Variants in BICC1 observed in about 807,000 individuals in gnomAD.
BICC1 encodes BicC family RNA binding protein 1, also known as protein bicaudal C homolog 1.
BICC1 carries 43 observed loss-of-function variants against 111.0 expected under a neutral mutation model. That is an observed-to-expected ratio of 0.39 (90% confidence interval 0.30 to 0.50). The LOEUF is 0.50. Among genes scored for constraint, BICC1 ranks in the 20% least tolerant of loss-of-function variants. The pLI is 0.88. For missense variants in BICC1, 1,091 were observed against 1,203.2 expected, an observed-to-expected ratio of 0.91 and a Z score of 1.38; for synonymous variants, 467 against 434.4, an observed-to-expected ratio of 1.07 and a Z score of -0.93.
At chr10:58,694,195 C>A (rs970005536) in intron 2 of BICC1, among the ~76,000 whole-genome samples, 1 of 152,130 alleles carries the variant, frequency 6.6e-6, no homozygotes, top group Non-Finnish European at 1.5e-5. Context: ...TGTTTCCTTG[C>A]TGCACTTTCA....
intron 1 of BICC1, among the ~76,000 whole-genome samples, chr10:58,581,724 G>A (rs145382311): frequency 9.4e-4 from 143 of 152,242 alleles, no homozygotes; most frequent in African/African-American, 3.4e-3. Context: ...TTATAAATAA[G>A]AGGGAGAAAA....
intron 1 of BICC1, among the ~76,000 whole-genome samples, chr10:58,607,874 G>A (rs1226897042): frequency 6.6e-6 from 1 of 152,122 alleles, no homozygotes; most frequent in African/African-American, 2.4e-5. Flanking sequence ...ACCTGAATTG[G>A]AATATGATGC....
rs185789226 is a variant in BICC1 at position 58,809,833 on chromosome 10, C to T, written c.2376+2675C>T. ...AAACTCCTAGTAAGGAAAGAGGGGC[C>T]CAGAATGGCTAAGTGTCTTACTCAA... On this transcript the variant is annotated intron_variant, in intron 17 of 20. Coordinates refer to ENST00000373886, the MANE Select transcript of BICC1 (RefSeq NM_001080512.3). Among the ~76,000 whole-genome samples, 173 of 152,214 alleles carry T rather than the reference C, an allele frequency of 1.1e-3. 3 individuals carry two copies. Among genetic ancestry groups the T allele is most frequent in the African/African-American group, 4.0e-3 (165 of 41,532 alleles).
chr10:58,745,602 G>GCCCCCCCCCCC (rs35346412), intron 3 of BICC1, among the ~76,000 whole-genome samples: 1 of 78,696 alleles, frequency 1.3e-5, no homozygotes, highest in Non-Finnish European at 2.3e-5. Context: ...GCCCCCCACC[G>GCCCCCCCCCCC]CCCCCCCCCC....
intron 2 of BICC1, among the ~76,000 whole-genome samples, chr10:58,671,183 T>C (rs1172809055): frequency 6.6e-6 from 1 of 152,144 alleles, no homozygotes. Context: ...TTATATTAGT[T>C]GGGATTAGAA....
intron 3 of BICC1, among the ~76,000 whole-genome samples, chr10:58,733,668 C>T (rs1368574071): frequency 6.6e-6 from 1 of 152,238 alleles, no homozygotes; most frequent in Non-Finnish European, 1.5e-5. Flanking sequence ...CACTTGCTTA[C>T]CCGGCTTCTG....
rs193298641 is a variant in BICC1, at chr10:58,754,018, A to T, written c.308-30983A>T. Among the ~76,000 whole-genome samples, 193 of 152,276 alleles carry T rather than the reference A, an allele frequency of 1.3e-3. 2 individuals are homozygous for T. The highest frequency in any genetic ancestry group is 4.2e-3 in the African/African-American group (175 of 41,534). On this transcript the variant is annotated intron_variant, in intron 3 of 20. Coordinates refer to ENST00000373886, the MANE Select transcript of BICC1 (RefSeq NM_001080512.3). ...TCATTGACCACCAACTGTAAAGCAA[A>T]TTTTGAGGTATTAGGTGTATAAAAA...
Position 58,513,240 on chromosome 10 carries a change from G to T in BICC1, c.97G>T (p.Asp33Tyr). ...CGACTCCCCAGTGCCCGGCTCCGAG[G>T]ACGACTTGGTCGCCGGGGCGACCCT... The part of the protein sequence containing the change: ...STDSPVPGSE[D>Y]DLVAGATLHS... The change falls in exon 1 of 21, where the codon GAC (aspartate) becomes TAC (tyrosine). Residue 33 changes from aspartate to tyrosine, a missense_variant. This residue lies in a region of BICC1 where 843 missense variants were observed against 900.8 expected (regional missense o/e 0.94). Transcript: ENST00000373886. 1 of 1,613,010 alleles carries T rather than the reference G, an allele frequency of 6.2e-7. No individual in the cohort carries two copies. The highest frequency in any genetic ancestry group is 1.1e-5 in the South Asian group (1 of 91,020).
At chr10:58,667,698 A>G (rs1266043907) in intron 2 of BICC1, among the ~76,000 whole-genome samples, 3 of 152,058 alleles carry the variant, frequency 2.0e-5, no homozygotes, top group Non-Finnish European at 4.4e-5. Flanking sequence ...GATCAAATTT[A>G]CCTTTTAAAG....
At chr10:58,756,626 CTTTTTTTTTT>C (rs66709538) in intron 3 of BICC1, among the ~76,000 whole-genome samples, 4 of 135,886 alleles carry the variant, frequency 2.9e-5, no homozygotes, top group Non-Finnish European at 4.7e-5. Context: ...AACTACTAGC[CTTTTTTTTTT>C]TTTTTTTTTT....
intron 20 of BICC1, among the ~76,000 whole-genome samples, chr10:58,826,638 A>G (rs1844406838): frequency 6.6e-6 from 1 of 152,258 alleles, no homozygotes; most frequent in African/African-American, 2.4e-5. Flanking sequence ...GGGCACCTGT[A>G]GTCCCAGCTA....
chr10:58,623,311 A>ATTGTGAAAT (rs1055284360), intron 2 of BICC1, among the ~76,000 whole-genome samples: 75 of 152,328 alleles, frequency 4.9e-4, no homozygotes, highest in African/African-American at 1.7e-3. Flanking sequence ...AGTTTAACAG[A>ATTGTGAAAT]TAATAAGATT....
At chr10:58,822,353 C>T (rs576643746) in intron 20 of BICC1, among the ~76,000 whole-genome samples, 1 of 152,224 alleles carries the variant, frequency 6.6e-6, no homozygotes, top group South Asian at 2.1e-4. Flanking sequence ...GCTGTAAATA[C>T]ATTCACAGGT....
At chr10:58,644,679 C>A (rs2132226333) in intron 2 of BICC1, among the ~76,000 whole-genome samples, 2 of 152,136 alleles carry the variant, frequency 1.3e-5, no homozygotes, top group Non-Finnish European at 2.9e-5. Context: ...TGTTCTTAAG[C>A]TTCGAAAATT....
intron 3 of BICC1, among the ~76,000 whole-genome samples, chr10:58,749,088 T>G (rs1841916189): frequency 6.6e-6 from 1 of 152,146 alleles, no homozygotes; most frequent in African/African-American, 2.4e-5. Context: ...TCACATGGAT[T>G]GATATTCATT....
At chr10:58,601,173 T>TATATAA (rs752405472) in intron 1 of BICC1, among the ~76,000 whole-genome samples, 2,175 of 131,008 alleles carry the variant, frequency 0.017, 57 homozygotes, top group African/African-American at 0.03. Context: ...TATATATATC[T>TATATAA]CCCAATAAAA....
chr10:58,519,037 C>T (rs1047555514), intron 1 of BICC1, among the ~76,000 whole-genome samples: 2 of 152,172 alleles, frequency 1.3e-5, no homozygotes, highest in African/African-American at 4.8e-5. Context: ...GTGGCTTAAA[C>T]AAGCCAGGGG....
intron 1 of BICC1, among the ~76,000 whole-genome samples, chr10:58,530,778 T>C (rs1342761382): frequency 6.6e-6 from 1 of 151,764 alleles, no homozygotes; most frequent in African/African-American, 2.4e-5. Flanking sequence ...GAAACTTCCT[T>C]ACTGTAAATT....
rs139291663 is a variant in BICC1 at position 58,746,037 on chromosome 10, G to T, written c.308-38964G>T. Among the ~76,000 whole-genome samples the T allele has an allele frequency of 9.1e-3, 1,380 of 152,200 alleles. 14 individuals are homozygous for T. The highest frequency in any genetic ancestry group is 0.014 in the Non-Finnish European group (985 of 67,986). ...GGAAGGGAGAAGTAGGAAGAATTAT[G>T]TCCTGGTATTATTTTTTGCAGCCAC... On this transcript the variant is annotated intron_variant, in intron 3 of 20. Coordinates refer to ENST00000373886, the MANE Select transcript of BICC1 (RefSeq NM_001080512.3).
Sources: gnomAD v4.1 joint callset for allele counts (sites outside exome capture counted in the v4.1 genomes callset) on GRCh38, gnomAD v4.1.1 for gene constraint, gnomAD v4.1.1 regional missense constraint, MANE v1.5 for transcripts, NCBI Gene and HGNC (gene_info 2026-07-23, HGNC 2026-07-21) for gene names.